Variants in CEMIP observed in about 807,000 individuals in gnomAD.
CEMIP encodes cell migration-inducing and hyaluronan-binding protein.
CEMIP carries 105 observed loss-of-function variants against 156.9 expected under a neutral mutation model. The observed-to-expected ratio is 0.67, with a 90% CI of 0.57 to 0.79. The LOEUF is 0.79. CEMIP is among the 30% of genes least tolerant of loss of function. The pLI is 0.00. For synonymous variants in CEMIP, 676 were observed against 668.4 expected, an observed-to-expected ratio of 1.01 and a Z score of -0.17; for missense variants, 1,457 against 1,769.4, an observed-to-expected ratio of 0.82 and a Z score of 3.17.
intron 1 of CEMIP, among the ~76,000 whole-genome samples, chr15:80,797,766 A>G (rs1473769439): frequency 1.3e-5 from 2 of 152,226 alleles, no homozygotes; most frequent in Non-Finnish European, 2.9e-5. Flanking sequence ...CCCACGGTGG[A>G]CCTGGGAACT....
At chr15:80,874,904 T>C (rs1048548408) in intron 3 of CEMIP, among the ~76,000 whole-genome samples, 1 of 152,180 alleles carries the variant, frequency 6.6e-6, no homozygotes, top group East Asian at 1.9e-4. Context: ...TTACATTGAA[T>C]TTATATTTTG....
chr15:80,783,895 T>G (rs376288933), intron 1 of CEMIP, among the ~76,000 whole-genome samples: 1 of 152,178 alleles, frequency 6.6e-6, no homozygotes, highest in Non-Finnish European at 1.5e-5. Flanking sequence ...GAAACACACA[T>G]GGCCACCCAG....
rs183610595 is a variant in CEMIP, at chr15:80,895,203, C to A, written c.1219+81C>A. On this transcript the variant is annotated intron_variant, in intron 11 of 29. Coordinates refer to ENST00000394685, the MANE Select transcript of CEMIP (RefSeq NM_001293298.2). ...GGCAGCTATGCAGGCAACTTCCAGA[C>A]CTCTCAGTGAGACAGTGCTCCCAAA... is the stretch of plus-strand genomic sequence containing the variant. The A allele has an allele frequency of 1.1e-5, 17 of 1,580,592 alleles. No homozygotes were observed. In the East Asian group the frequency reaches 3.4e-4, roughly 31 times the overall value.
intron 1 of CEMIP, among the ~76,000 whole-genome samples, chr15:80,824,674 C>A (rs1896990475): frequency 6.6e-6 from 1 of 152,198 alleles, no homozygotes; most frequent in South Asian, 2.1e-4. Context: ...CCTGGCCCAA[C>A]AGGGTGGCCG....
At chr15:80,920,389 T>C in intron 15 of CEMIP, 90 bp downstream of exon 15, 1 of 1,244,852 alleles carries the variant, frequency 8.0e-7, no homozygotes, top group East Asian at 2.5e-5. Context: ...GCACCAGACT[T>C]CTGCACTTCG....
chr15:80,930,460 A>C (rs964202533), intron 21 of CEMIP, among the ~76,000 whole-genome samples: 2 of 152,362 alleles, frequency 1.3e-5, no homozygotes, highest in South Asian at 4.1e-4. Flanking sequence ...TAGGAACCTA[A>C]GAGCCTGCAG....
chr15:80,856,686 TA>T (rs1256463348), intron 1 of CEMIP, among the ~76,000 whole-genome samples: 1 of 152,184 alleles, frequency 6.6e-6, no homozygotes, highest in African/African-American at 2.4e-5. Flanking sequence ...GGGTAAGCAC[TA>T]AAATATGCAT....
rs144655270 is a variant in CEMIP, at chr15:80,806,920, T to C, written c.-176+27306T>C. 3.0e-3 allele frequency among the ~76,000 whole-genome samples: 452 copies of C among 152,322 alleles called. 2 individuals carry two copies. Among genetic ancestry groups the C allele is most frequent in the African/African-American group, 0.01 (420 of 41,566 alleles). ...AGGTCCCTAGCTCCTCCAGAGGGTGTGTTAGATGAGATAATCATCTGCATG... is the reference window on the plus strand; with the variant it reads ...AGGTCCCTAGCTCCTCCAGAGGGTGCGTTAGATGAGATAATCATCTGCATG... On this transcript the variant is annotated intron_variant, in intron 1 of 29. Coordinates refer to ENST00000394685, the MANE Select transcript of CEMIP (RefSeq NM_001293298.2).
rs1300075882 is a variant in CEMIP, at chr15:80,932,090, GATTCAC to G, written c.2793+53_2793+58del. 1 of 1,593,540 alleles carries G rather than the reference GATTCAC, an allele frequency of 6.3e-7. No individual in the cohort carries two copies. On this transcript the variant is annotated intron_variant, in intron 22 of 29. Transcript: ENST00000394685. This position sits in a 1 kb window ranked among gnomAD's most constrained non-coding sequence, Gnocchi z 4.5. ...CCGGCAAACCCAGACTTTGGATGGT[GATTCAC>G]AAGTCCCCTGGGTCCCAGAGTTTGA... is the stretch of plus-strand genomic sequence containing the variant.
intron 1 of CEMIP, among the ~76,000 whole-genome samples, chr15:80,831,249 T>C (rs1567061728): frequency 6.6e-6 from 1 of 152,090 alleles, no homozygotes; most frequent in Non-Finnish European, 1.5e-5. Context: ...GGCAAGGTTG[T>C]GAATTATAGA....
At chr15:80,784,169 T>C (rs751351653) in intron 1 of CEMIP, among the ~76,000 whole-genome samples, 1 of 152,262 alleles carries the variant, frequency 6.6e-6, no homozygotes. Context: ...AACTTCAGTT[T>C]AAAGTGCTTT....
In CEMIP at chr15:80,950,212, C is replaced by G. The variant is rs1471455800; in HGVS notation, c.*1288C>G. 2.0e-5 allele frequency: 3 copies of G among 152,306 alleles called. No homozygotes were observed. Among genetic ancestry groups the G allele is most frequent in the Non-Finnish European group, 4.4e-5 (3 of 68,130 alleles). 9.4% of individuals were successfully genotyped at this position (152,306 alleles called of 1,614,324 possible). A position where few individuals can be genotyped will look rare whatever the true frequency, so the allele number is the denominator to read the frequency against. On this transcript the variant is annotated 3_prime_UTR_variant, in exon 30 of 30. Coordinates refer to ENST00000394685, the MANE Select transcript of CEMIP (RefSeq NM_001293298.2). ...CTGGAAATATAGAAAATATCTAGCC[C>G]AAAGCCTTCATTTTAACAGATGGGG...
intron 1 of CEMIP, among the ~76,000 whole-genome samples, chr15:80,804,712 C>T (rs563466912): frequency 1.1e-4 from 17 of 152,140 alleles, no homozygotes; most frequent in Non-Finnish European, 2.1e-4. Flanking sequence ...ATCTCTAAAC[C>T]TCTGGGAAAG....
intron 1 of CEMIP, among the ~76,000 whole-genome samples, chr15:80,807,218 T>C (rs887873701): frequency 1.3e-5 from 2 of 149,258 alleles, no homozygotes; most frequent in Non-Finnish European, 3.0e-5. Flanking sequence ...AGAGACAAAG[T>C]ATCTAGAGAG....
chr15:80,874,627 T>C (rs894144083), intron 3 of CEMIP, among the ~76,000 whole-genome samples: 4 of 152,212 alleles, frequency 2.6e-5, no homozygotes, highest in African/African-American at 9.6e-5. Flanking sequence ...CAGGTTTAGA[T>C]CTATTTTTCT....
At chr15:80,798,661 G>T (rs1896293906) in intron 1 of CEMIP, among the ~76,000 whole-genome samples, 1 of 152,044 alleles carries the variant, frequency 6.6e-6, no homozygotes, top group Non-Finnish European at 1.5e-5. Context: ...TTAGTTTTTG[G>T]AATTATGTAT....
chr15:80,839,766 G>T (rs893511502), intron 1 of CEMIP, among the ~76,000 whole-genome samples: 1 of 152,206 alleles, frequency 6.6e-6, no homozygotes, highest in Non-Finnish European at 1.5e-5. Context: ...GATGTGTGGG[G>T]CAATTCACCC....
chr15:80,812,771 A>T (rs977303581), intron 1 of CEMIP, among the ~76,000 whole-genome samples: 1 of 152,228 alleles, frequency 6.6e-6, no homozygotes, highest in Non-Finnish European at 1.5e-5. Flanking sequence ...AGGAAAGCAA[A>T]TCATTAGGTC....
intron 7 of CEMIP, 96 bp downstream of exon 7, chr15:80,884,450 C>CCGTA (rs1898768149): frequency 7.9e-7 from 1 of 1,266,048 alleles, no homozygotes; most frequent in Admixed American, 1.8e-5. Flanking sequence ...CTCCCCACAG[C>CCGTA]CGTACCATCC....
Sources: gnomAD v4.1 joint callset for allele counts (sites outside exome capture counted in the v4.1 genomes callset) on GRCh38, gnomAD v4.1.1 for gene constraint, Gnocchi (gnomAD v3.1) non-coding constraint, MANE v1.5 for transcripts, NCBI Gene and HGNC (gene_info 2026-07-23, HGNC 2026-07-21) for gene names.